The following ANKFN1 variants were observed in gnomAD, a reference collection of about 807,000 sequenced individuals.
ANKFN1 encodes ankyrin repeat and fibronectin type-III domain-containing protein 1.
A neutral mutation model predicts 108.7 loss-of-function variants in ANKFN1; 74 were observed. The ratio of observed to expected loss-of-function variants is 0.68; its 90% confidence interval spans 0.56 to 0.83. The LOEUF (loss-of-function observed/expected upper bound fraction) is 0.83, where lower values mean the gene tolerates loss of function less well. Ranked by LOEUF, ANKFN1 falls within the 40% of genes least tolerant of loss-of-function variation. The probability of loss-of-function intolerance (pLI) is 0.00; values close to 1 mark genes in which losing one functional copy is unlikely to be tolerated. For synonymous variants in ANKFN1, 547 were observed against 516.2 expected (o/e 1.06, Z -0.81); for missense variants, 1,505 against 1,382.3 (o/e 1.09, Z -1.41).
At position 56,372,835 on chromosome 17, in the gene ANKFN1, A is replaced by C; in HGVS notation, c.791A>C (p.His264Pro). The change falls in exon 7 of 21, where the codon CAT (histidine) becomes CCT (proline). Residue 264 changes from histidine to proline, a missense_variant. His to Pro is a moderately conservative substitution (Grantham distance 77, BLOSUM62 -2). Transcript: ENST00000682825. Reference sequence around the variant, plus strand: ...AGACGCATGAAAACAGGCTTTGAGCATGCCAGTGAGTATAAGCAGAAAATG... The same window carrying C: ...AGACGCATGAAAACAGGCTTTGAGCCTGCCAGTGAGTATAAGCAGAAAATG... ...LYRRMKTGFEHARAPEMPTNV... is the reference protein window; with the variant it reads ...LYRRMKTGFEPARAPEMPTNV... 1 of 1,612,524 alleles carries C rather than the reference A, an allele frequency of 6.2e-7. No homozygotes were observed. The highest frequency in any genetic ancestry group is 8.5e-7 in the Non-Finnish European group (1 of 1,179,540).
At chr17:56,494,272 G>T (rs1598720051) in intron 19 of ANKFN1, among the ~76,000 whole-genome samples, 2 of 152,250 alleles carry the variant, frequency 1.3e-5, no homozygotes, top group South Asian at 4.2e-4. Context: ...TTCTCCATTG[G>T]TCTGAGAATG....
At chr17:56,125,587 C>T (rs1466077323) in intron 4 of ANKFN1, among the ~76,000 whole-genome samples, 3 of 152,218 alleles carry the variant, frequency 2.0e-5, no homozygotes, top group Non-Finnish European at 2.9e-5. Context: ...ATTTTATCCT[C>T]ATCATAGCCC....
chr17:56,343,373 A>G (rs1251675661), intron 4 of ANKFN1, among the ~76,000 whole-genome samples: 1 of 151,918 alleles, frequency 6.6e-6, no homozygotes, highest in Admixed American at 6.6e-5. Flanking sequence ...TTGGGTAGAG[A>G]AATTCTTGAC....
chr17:56,218,473 T>C (rs1012810999), intron 2 of ANKFN1, among the ~76,000 whole-genome samples: 3 of 152,180 alleles, frequency 2.0e-5, no homozygotes, highest in African/African-American at 7.2e-5. Context: ...CCATCTCTTT[T>C]CACTCTTCCA....
intron 5 of ANKFN1, among the ~76,000 whole-genome samples, chr17:56,351,305 A>G (rs1470067144): frequency 1.3e-5 from 2 of 152,114 alleles, no homozygotes; most frequent in Non-Finnish European, 2.9e-5. Context: ...TCCAGTGTTC[A>G]TTCAAATAAT....
chr17:56,383,615 C>T (rs1458116541), intron 8 of ANKFN1, among the ~76,000 whole-genome samples: 2 of 152,066 alleles, frequency 1.3e-5, no homozygotes, highest in Non-Finnish European at 2.9e-5. Flanking sequence ...AGAGAAGAAT[C>T]AAATAGATGC....
intron 11 of ANKFN1, among the ~76,000 whole-genome samples, chr17:56,454,059 C>G (rs889028465): frequency 2.0e-5 from 3 of 152,168 alleles, no homozygotes; most frequent in African/African-American, 7.2e-5. Flanking sequence ...TCTTAAATTA[C>G]TTCTTTAAGT....
rs141138023 is a variant in ANKFN1 at position 56,466,296 on chromosome 17, C to T, written c.1558-60C>T. 1.4e-4 allele frequency: 195 copies of T among 1,434,090 alleles called. 2 individuals carry two copies. In the East Asian group the frequency reaches 3.2e-3, roughly 23 times the overall value. 88.8% of individuals were successfully genotyped at this position (1,434,090 alleles called of 1,614,324 possible). A position where few individuals can be genotyped will look rare whatever the true frequency, so the allele number is the denominator to read the frequency against. ...TATTATTCACGGTGTCTTTTGTTGC[C>T]GTTGTGTTGCTTTGTTAGCATAATA... On this transcript the variant is annotated intron_variant, in intron 14 of 20. Transcript: ENST00000682825.
chr17:56,441,966 G>C (rs918251435), intron 9 of ANKFN1, among the ~76,000 whole-genome samples: 2 of 151,060 alleles, frequency 1.3e-5, no homozygotes, highest in African/African-American at 4.9e-5. Flanking sequence ...ATCAAATGCT[G>C]GCTTCTCAAA....
chr17:56,410,049 C>T (rs2048040843), intron 8 of ANKFN1, among the ~76,000 whole-genome samples: 1 of 152,004 alleles, frequency 6.6e-6, no homozygotes, highest in Admixed American at 6.6e-5. Flanking sequence ...AGGTAAAACC[C>T]CAAATGACAG....
At chr17:56,196,047 G>A (rs1019348985) in intron 1 of ANKFN1, among the ~76,000 whole-genome samples, 3 of 152,132 alleles carry the variant, frequency 2.0e-5, no homozygotes, top group Admixed American at 1.3e-4. Flanking sequence ...CAGGAGGATC[G>A]CTTGAGACCA....
upstream of ANKFN1, chr17:56,153,421 G>A (rs1598147879): frequency 6.5e-7 from 1 of 1,533,514 alleles, no homozygotes; most frequent in East Asian, 2.3e-5. Flanking sequence ...GGGTTCCCTT[G>A]GCAACGGGAC....
At chr17:56,065,382 T>G (rs1905043673) in intron 4 of ANKFN1, among the ~76,000 whole-genome samples, 1 of 152,234 alleles carries the variant, frequency 6.6e-6, no homozygotes, top group Non-Finnish European at 1.5e-5. Flanking sequence ...TTATCATTCA[T>G]GTGCTCATAG....
At chr17:56,082,696 C>T (rs149983398) in intron 4 of ANKFN1, among the ~76,000 whole-genome samples, 1 of 152,296 alleles carries the variant, frequency 6.6e-6, no homozygotes, top group African/African-American at 2.4e-5. Context: ...AGTGCCTAGT[C>T]CCTGTCAAGT....
intron 1 of ANKFN1, among the ~76,000 whole-genome samples, chr17:56,171,167 C>A (rs923868750): frequency 5.3e-5 from 8 of 151,948 alleles, no homozygotes; most frequent in Admixed American, 6.6e-5. Flanking sequence ...TCACTAGGAA[C>A]CCTCCATTTG....
rs1306439299 is a variant in ANKFN1 at position 56,498,965 on chromosome 17, G to C, written c.2511G>C (p.Leu837Phe). The stretch of plus-strand genomic sequence containing the variant: ...GATACAAACAACCAGTTTCTGGCTT[G>C]CCCATCACTAAGCTGATAGACCCCT... ...YARYKQPVSGLPITKLIDPSD... is the reference protein window; with the variant it reads ...YARYKQPVSGFPITKLIDPSD... The change falls in exon 20 of 21, where the codon TTG (leucine) becomes TTC (phenylalanine). Residue 837 changes from leucine (L) to phenylalanine (F), a missense_variant. Coordinates refer to ENST00000682825, the MANE Select transcript of ANKFN1 (RefSeq NM_001370326.1). 1 of 1,535,722 alleles carries C rather than the reference G, an allele frequency of 6.5e-7. No homozygotes were observed. Among genetic ancestry groups the C allele is most frequent in the Admixed American group, 2.0e-5 (1 of 50,968 alleles).
In ANKFN1 at chr17:56,126,426, G is replaced by C. The variant is rs118059783; in HGVS notation, c.288+80101G>C. 8.8e-3 allele frequency among the ~76,000 whole-genome samples: 1,336 copies of C among 152,208 alleles called. 14 individuals carry two copies. Among genetic ancestry groups the C allele is most frequent in the East Asian group, 0.031 (160 of 5,170 alleles). Reference sequence around the variant, plus strand: ...GACACAATTATCCCAGAAAAATAGAGGGGGGAGGGGAGGCTTCGTCATATG... The same window carrying C: ...GACACAATTATCCCAGAAAAATAGACGGGGGAGGGGAGGCTTCGTCATATG... On this transcript the variant is annotated intron_variant, in intron 4 of 12. Coordinates refer to the ANKFN1 transcript ENST00000635860.
intron 4 of ANKFN1, among the ~76,000 whole-genome samples, chr17:56,141,543 C>T (rs1907914424): frequency 6.6e-6 from 1 of 152,126 alleles, no homozygotes; most frequent in East Asian, 1.9e-4. Context: ...CAAAGCCACA[C>T]ATAAATAATG....
chr17:56,271,357 C>A (rs1402663931), intron 3 of ANKFN1, among the ~76,000 whole-genome samples: 1 of 152,110 alleles, frequency 6.6e-6, no homozygotes, highest in Non-Finnish European at 1.5e-5. Context: ...AGGTCGGGGA[C>A]CATTCTTCCT....
Sources: allele counts gnomAD v4.1 joint callset (sites outside exome capture counted in the v4.1 genomes callset), GRCh38; gene constraint gnomAD v4.1.1; transcripts MANE v1.5; gene names NCBI Gene and HGNC (gene_info 2026-07-23, HGNC 2026-07-21).